The following CACUL1 variants were observed in gnomAD, a reference collection of about 807,000 sequenced individuals.
CACUL1 encodes CDK2 associated cullin domain 1, also known as CDK2-associated and cullin domain-containing protein 1.
A neutral mutation model predicts 45.2 loss-of-function variants in CACUL1; 13 were observed. That is an observed-to-expected ratio of 0.29 (90% CI 0.19 to 0.46). The LOEUF is 0.46. Among genes scored for constraint, CACUL1 ranks in the 20% least tolerant of loss-of-function variants. The pLI is 1.00. For synonymous variants in CACUL1, 197 were observed against 174.2 expected (o/e 1.13, Z -1.03); for missense variants, 421 against 471.4 (o/e 0.89, Z 0.99).
intron 1 of CACUL1, among the ~76,000 whole-genome samples, chr10:118,738,892 TAAAA>T (rs150393133): frequency 6.6e-4 from 41 of 62,258 alleles, no homozygotes; most frequent in Middle Eastern, 0.038. Flanking sequence ...CAAGTGCTCT[TAAAA>T]AAAAAAAAAA....
intron 1 of CACUL1, among the ~76,000 whole-genome samples, chr10:118,751,072 ATTC>A (rs1845893655): frequency 1.3e-5 from 2 of 152,166 alleles, no homozygotes; most frequent in Non-Finnish European, 2.9e-5. Flanking sequence ...AGGGTTTCCT[ATTC>A]TTTCTATAAG....
chr10:118,678,746 T>C lies in CACUL1; in HGVS notation c.*7382A>G, dbSNP rs1347792517. 4 of 152,220 alleles carry C rather than the reference T, an allele frequency of 2.6e-5. No homozygotes were observed. Among genetic ancestry groups the C allele is most frequent in the Admixed American group, 2.6e-4 (4 of 15,282 alleles). 9.4% of individuals were successfully genotyped at this position (152,220 alleles called of 1,614,324 possible). On this transcript the variant is annotated 3_prime_UTR_variant, in exon 9 of 9. Coordinates refer to ENST00000369151, the MANE Select transcript of CACUL1 (RefSeq NM_153810.5). ...TATTCCTGAGACCAATCCATTTTGG[T>C]CATCATTTGTTACATTTTGAATACA... is the stretch of plus-strand genomic sequence containing the variant.
intron 2 of CACUL1, 54 bp downstream of exon 2, chr10:118,730,230 G>A: frequency 1.9e-6 from 3 of 1,575,374 alleles, no homozygotes; most frequent in Non-Finnish European, 2.6e-6. Flanking sequence ...TAATTCAAGT[G>A]CCTTGAACCT....
chr10:118,745,358 T>TCA (rs1486651284), intron 1 of CACUL1, among the ~76,000 whole-genome samples: 1 of 151,806 alleles, frequency 6.6e-6, no homozygotes, highest in African/African-American at 2.4e-5. Context: ...GGTCAGGAGT[T>TCA]CAAGACCAGC....
At chr10:118,700,928 GGA>G (rs1414665944) in intron 5 of CACUL1, among the ~76,000 whole-genome samples, 1 of 152,134 alleles carries the variant, frequency 6.6e-6, no homozygotes, top group Non-Finnish European at 1.5e-5. Flanking sequence ...AAAAATCAGA[GGA>G]TTCTGTACTA....
intron 7 of CACUL1, among the ~76,000 whole-genome samples, chr10:118,688,541 T>A (rs1048084151): frequency 6.6e-6 from 1 of 151,768 alleles, no homozygotes; most frequent in Non-Finnish European, 1.5e-5. Flanking sequence ...CAATGTGATT[T>A]ATGCAAGAGG....
In CACUL1 at chr10:118,680,900, T is replaced by C. The variant is rs1022772578; in HGVS notation, c.*5228A>G. 6.6e-6 allele frequency: 1 copy of C among 152,154 alleles called. No homozygotes were observed. Among genetic ancestry groups the C allele is most frequent in the Non-Finnish European group, 1.5e-5 (1 of 68,024 alleles). The allele number at this position is 152,154 out of a possible 1,614,324, so 9.4% of individuals were successfully genotyped here. A position where few individuals can be genotyped will look rare whatever the true frequency, so the allele number is the denominator to read the frequency against. ...AATATGCTATAAGCAAAATCAAATA[T>C]TCTATATTATAACAAAGTTCCAGTG... On this transcript the variant is annotated 3_prime_UTR_variant, in exon 9 of 9. Transcript: ENST00000369151.
At chr10:118,736,374 G>T (rs1197372299) in intron 1 of CACUL1, among the ~76,000 whole-genome samples, 1 of 151,892 alleles carries the variant, frequency 6.6e-6, no homozygotes, top group African/African-American at 2.4e-5. Flanking sequence ...AGCTAAGGTT[G>T]ATTTATTATT....
At position 118,691,149 on chromosome 10, in the gene CACUL1, A is replaced by G. The variant is rs1007863143; in HGVS notation, c.1025+116T>C. On this transcript the variant is annotated intron_variant, in intron 7 of 8. Coordinates refer to ENST00000369151, the MANE Select transcript of CACUL1 (RefSeq NM_153810.5). ...GAGCTAATGTCTTCTTGCAGCAGCA[A>G]GACTCTTGGCCAGTTACCTCCCATT... is the stretch of plus-strand genomic sequence containing the variant. The G allele has an allele frequency of 5.9e-6, 5 of 842,052 alleles. No homozygotes were observed. The African/African-American group carries it at 6.8e-5, about 11-fold the overall frequency. 52.2% of individuals were successfully genotyped at this position (842,052 alleles called of 1,614,324 possible). A position where few individuals can be genotyped will look rare whatever the true frequency, so the allele number is the denominator to read the frequency against.
rs377545982 is a variant in CACUL1, at chr10:118,754,897, G to C, written c.-135C>G. ...GGCGCAGCGGAGAGGGCTGCGGTGC[G>C]CAGGGTCTCTCGCTCTCCGCGGGGC... On this transcript the variant is annotated 5_prime_UTR_variant, in exon 1 of 9. Coordinates refer to ENST00000369151, the MANE Select transcript of CACUL1 (RefSeq NM_153810.5). 1 of 1,254,552 alleles carries C rather than the reference G, an allele frequency of 8.0e-7. No individual in the cohort carries two copies. The highest frequency in any genetic ancestry group is 1.6e-5 in the African/African-American group (1 of 63,212). 77.7% of individuals were successfully genotyped at this position (1,254,552 alleles called of 1,614,324 possible).
intron 1 of CACUL1, 148 bp downstream of exon 1, chr10:118,754,248 A>G: frequency 8.4e-7 from 1 of 1,192,252 alleles, no homozygotes; most frequent in Non-Finnish European, 1.1e-6. Flanking sequence ...GGTGAGGGGG[A>G]AGGAGGCAGG....
chr10:118,718,853 G>C (rs1017154725), intron 3 of CACUL1, among the ~76,000 whole-genome samples: 1 of 152,202 alleles, frequency 6.6e-6, no homozygotes, highest in African/African-American at 2.4e-5. Context: ...GATTACAGGC[G>C]TGAGCCACCG....
intron 1 of CACUL1, among the ~76,000 whole-genome samples, chr10:118,739,344 C>A (rs936403075): frequency 2.6e-5 from 4 of 151,512 alleles, no homozygotes; most frequent in African/African-American, 9.7e-5. Context: ...CCAGAGAAAA[C>A]AGAACAGAGA....
intron 1 of CACUL1, among the ~76,000 whole-genome samples, chr10:118,753,638 A>C (rs1371268130): frequency 2.6e-5 from 4 of 152,236 alleles, no homozygotes; most frequent in Non-Finnish European, 5.9e-5. Flanking sequence ...TTTGGTCTTA[A>C]ATCTTAATGC....
chr10:118,730,137 C>A, intron 2 of CACUL1, 147 bp downstream of exon 2: 1 of 886,660 alleles, frequency 1.1e-6, no homozygotes, highest in South Asian at 1.9e-5. Context: ...TAAACCAAAC[C>A]CTCCAATCCG....
intron 7 of CACUL1, among the ~76,000 whole-genome samples, chr10:118,690,789 T>C (rs997245462): frequency 6.6e-5 from 10 of 152,258 alleles, no homozygotes; most frequent in African/African-American, 2.4e-4. Context: ...CTCATGCCTA[T>C]GATCCCAGCA....
At position 118,695,202 on chromosome 10, in the gene CACUL1, T is replaced by A; in HGVS notation, c.825A>T (p.Pro275=). Residue 275 remains proline, a synonymous_variant, in exon 6 of 9, where the codon CCA becomes CCT. Coordinates refer to ENST00000369151, the MANE Select transcript of CACUL1 (RefSeq NM_153810.5). ...MPLLLEAQST[P]FQVTPSTMAN... ...CCATAGTTGAAGGTGTGACCTGAAA[T>A]GGTGTTGACTGGGCTTCTAAAAGTA... 1 of 1,606,986 alleles carries A rather than the reference T, an allele frequency of 6.2e-7. No homozygotes were observed. Among genetic ancestry groups the A allele is most frequent in the Non-Finnish European group, 8.5e-7 (1 of 1,173,616 alleles).
Position 118,754,770 on chromosome 10 carries a change from GC to G in CACUL1, c.-9del. On this transcript the variant is annotated 5_prime_UTR_variant, in exon 1 of 9. Transcript: ENST00000369151. The stretch of plus-strand genomic sequence containing the variant: ...TTCCATGCTTTCCTCCATCCTGCTG[GC>G]CCCCGGCACCCGCCCGCCTCACAGG... 3.9e-6 allele frequency: 6 copies of G among 1,547,068 alleles called. No homozygotes were observed. Among genetic ancestry groups the G allele is most frequent in the South Asian group, 1.2e-5 (1 of 81,564 alleles).
Position 118,721,620 on chromosome 10 carries a change from T to C in CACUL1, c.597+7675A>G, listed in dbSNP as rs182181266. On this transcript the variant is annotated intron_variant, in intron 3 of 8. Coordinates refer to ENST00000369151, the MANE Select transcript of CACUL1 (RefSeq NM_153810.5). ...TCCTCAACAGGACCCTGAATGCAGG[T>C]TAGTAATATCGGCGCTAATCTTCCC... Among the ~76,000 whole-genome samples, 81 of 152,270 alleles carry C rather than the reference T, an allele frequency of 5.3e-4. 1 individual carries two copies. The East Asian group carries it at 0.013, about 24-fold the overall frequency.
Sources: allele counts gnomAD v4.1 joint callset (sites outside exome capture counted in the v4.1 genomes callset), GRCh38; gene constraint gnomAD v4.1.1; transcripts MANE v1.5; gene names NCBI Gene and HGNC (gene_info 2026-07-23, HGNC 2026-07-21).